The following TENM1 variants were observed in gnomAD, a reference collection of about 807,000 sequenced individuals.
The protein encoded by TENM1 is teneurin-1.
Under a neutral mutation model 174.8 loss-of-function variants are expected in TENM1, and 35 were observed. The ratio of observed to expected loss-of-function variants is 0.20; its 90% CI spans 0.15 to 0.27. The LOEUF (loss-of-function observed/expected upper bound fraction) is 0.27. Ranked by LOEUF, TENM1 falls within the 10% of genes least tolerant of loss-of-function variation. TENM1 has a pLI of 1.00. For synonymous variants in TENM1, 781 were observed against 798.7 expected, an observed-to-expected ratio of 0.98 and a Z score of 0.37; for missense variants, 1,633 against 2,130.1, an observed-to-expected ratio of 0.77 and a Z score of 4.59.
intron 4 of TENM1, among the ~76,000 whole-genome samples, chrX:124,733,857 T>G (rs1444938124): frequency 2.7e-5 from 3 of 111,856 alleles, no homozygotes; most frequent in Non-Finnish European, 5.6e-5. Flanking sequence ...GATGTACATT[T>G]CAAATAAGAA....
Position 124,616,216 on chromosome X carries a change from C to T in TENM1, c.2077+25575G>A, listed in dbSNP as rs181786332. Reference sequence around the variant, plus strand: ...ATATGACCAAAAAGCCCCAAATCGACCACAAAATGGTCATTTTCAGGCGAT... The same window carrying T: ...ATATGACCAAAAAGCCCCAAATCGATCACAAAATGGTCATTTTCAGGCGAT... On this transcript the variant is annotated intron_variant, in intron 11 of 31. Transcript: ENST00000422452. Among the ~76,000 whole-genome samples the T allele has an allele frequency of 2.4e-3, 276 of 112,770 alleles. 4 individuals carry two copies. The highest frequency in any genetic ancestry group is 2.9e-3 in the Non-Finnish European group (157 of 53,345).
At chrX:124,520,566 G>C (rs1160595610) in exon 18 of TENM1, 1 of 1,211,479 alleles carries the variant, frequency 8.3e-7, no homozygotes, top group Admixed American at 2.2e-5. Context: ...TGTCGGTCTT[G>C]TTCCAAGCAA....
At chrX:124,879,359 G>A in intron 3 of TENM1, among the ~76,000 whole-genome samples, 1 of 112,039 alleles carries the variant, frequency 8.9e-6, no homozygotes, top group East Asian at 2.8e-4. Context: ...CCACATATGG[G>A]TGAGAACATA....
chrX:124,397,747 G>A (rs1047405387), intron 27 of TENM1, among the ~76,000 whole-genome samples: 5 of 109,214 alleles, frequency 4.6e-5, no homozygotes, highest in Admixed American at 9.7e-5. Context: ...ATAGGCACCC[G>A]CCACCATGCC....
the TENM1 span, among the ~76,000 whole-genome samples, chrX:125,032,982 C>T: frequency 1.8e-5 from 2 of 111,847 alleles, no homozygotes; most frequent in Non-Finnish European, 3.8e-5. Context: ...AACAGTGACT[C>T]TCAATTGAGG....
chrX:124,557,496 C>T (rs749141608), intron 14 of TENM1, among the ~76,000 whole-genome samples: 2 of 108,808 alleles, frequency 1.8e-5, no homozygotes, highest in Admixed American at 2.0e-4. Flanking sequence ...TTACTTTTAA[C>T]TCATTAATCC....
At chrX:124,394,154 T>C (rs1479009770) in intron 27 of TENM1, among the ~76,000 whole-genome samples, 1 of 111,796 alleles carries the variant, frequency 8.9e-6, no homozygotes, top group Non-Finnish European at 1.9e-5. Context: ...AAATGTTAAA[T>C]ATCTTGTTAA....
intron 3 of TENM1, among the ~76,000 whole-genome samples, chrX:124,808,666 C>T (rs573431106): frequency 1.8e-5 from 2 of 111,684 alleles, no homozygotes; most frequent in South Asian, 7.5e-4. Flanking sequence ...AAATGAATAT[C>T]AGAAGAGACT....
intron 23 of TENM1, among the ~76,000 whole-genome samples, chrX:124,438,854 C>T (rs2060873601): frequency 9.0e-6 from 1 of 110,781 alleles, no homozygotes; most frequent in South Asian, 3.8e-4. Flanking sequence ...AGATGCAGGC[C>T]TGAAAAACAG....
chrX:124,630,124 C>G (rs59307656), intron 11 of TENM1, among the ~76,000 whole-genome samples: 1,152 of 112,340 alleles, frequency 0.01, 7 homozygotes, highest in African/African-American at 0.035. Flanking sequence ...AAAAAGAAGA[C>G]TGTTGGAAAA....
intron 22 of TENM1, among the ~76,000 whole-genome samples, chrX:124,462,112 G>A (rs1272100637): frequency 2.0e-5 from 2 of 100,783 alleles, no homozygotes; most frequent in African/African-American, 8.3e-5. Context: ...GTTAGATTAC[G>A]TTTCTCAGCC....
the TENM1 span, among the ~76,000 whole-genome samples, chrX:125,165,714 T>C: frequency 9.0e-6 from 1 of 111,378 alleles, no homozygotes; most frequent in African/African-American, 3.3e-5. Flanking sequence ...GAAAATTACA[T>C]GGATATTTCT....
chrX:125,179,754 A>C, the TENM1 span, among the ~76,000 whole-genome samples: 1 of 110,315 alleles, frequency 9.1e-6, no homozygotes. Flanking sequence ...ACCAACTGAA[A>C]CAGAAACTCA....
At chrX:125,037,903 T>C in the TENM1 span, among the ~76,000 whole-genome samples, 1 of 111,748 alleles carries the variant, frequency 8.9e-6, no homozygotes, top group Non-Finnish European at 1.9e-5. Context: ...CCACATGCCA[T>C]GTCAACAGAA....
chrX:124,916,073 T>C (rs1039235569), intron 1 of TENM1, among the ~76,000 whole-genome samples: 1 of 111,829 alleles, frequency 8.9e-6, no homozygotes, highest in Non-Finnish European at 1.9e-5. Flanking sequence ...TGGTGGAATG[T>C]TTGGCTTACA....
intron 20 of TENM1, among the ~76,000 whole-genome samples, chrX:124,492,700 G>C (rs1298339931): frequency 9.1e-6 from 1 of 110,415 alleles, no homozygotes; most frequent in African/African-American, 3.3e-5. Flanking sequence ...CCAATCACAG[G>C]AGTGTTGGAA....
At chrX:124,588,461 A>C (rs771675473) in intron 11 of TENM1, among the ~76,000 whole-genome samples, 1 of 109,552 alleles carries the variant, frequency 9.1e-6, no homozygotes, top group Non-Finnish European at 1.9e-5. Flanking sequence ...CAAACACTGC[A>C]TATTCTCACT....
At chrX:125,156,562 T>A in the TENM1 span, among the ~76,000 whole-genome samples, 2 of 112,329 alleles carry the variant, frequency 1.8e-5, no homozygotes, top group African/African-American at 6.5e-5. Context: ...TTCATCTGTA[T>A]CCATACTGCT....
chrX:124,653,667 A>G (rs2051365397), exon 7 of TENM1: 2 of 1,210,571 alleles, frequency 1.7e-6, no homozygotes, highest in African/African-American at 3.5e-5. Context: ...AACTTCAGAT[A>G]TATTGGATGG....
Sources: allele counts gnomAD v4.1 joint callset (sites outside exome capture counted in the v4.1 genomes callset), GRCh38; gene constraint gnomAD v4.1.1; transcripts MANE v1.5; gene names NCBI Gene and HGNC (gene_info 2026-07-23, HGNC 2026-07-21).